Variants in CAMSAP1 observed in about 807,000 individuals in gnomAD.
CAMSAP1 encodes the protein calmodulin-regulated spectrin-associated protein 1.
A neutral mutation model predicts 143.5 loss-of-function variants in CAMSAP1; 58 were observed. The observed-to-expected ratio is 0.40, with a 90% confidence interval of 0.33 to 0.50. The LOEUF (loss-of-function observed/expected upper bound fraction) is 0.50. Among genes scored for constraint, CAMSAP1 ranks in the 20% least tolerant of loss-of-function variants. The pLI, the probability that CAMSAP1 is intolerant of heterozygous loss-of-function variation, is 0.45. For missense variants in CAMSAP1, 1,969 were observed against 2,115.7 expected (o/e 0.93, Z 1.36); for synonymous variants, 945 against 859.3 (o/e 1.10, Z -1.74).
intron 1 of CAMSAP1, among the ~76,000 whole-genome samples, chr9:135,903,652 T>C (rs1273760956): frequency 1.3e-5 from 2 of 152,226 alleles, no homozygotes; most frequent in Non-Finnish European, 2.9e-5. Flanking sequence ...TTTACACAAA[T>C]GGAGGATGGG....
intron 7 of CAMSAP1, among the ~76,000 whole-genome samples, chr9:135,849,101 T>G (rs920235060): frequency 6.6e-6 from 1 of 152,244 alleles, no homozygotes; most frequent in Non-Finnish European, 1.5e-5. Context: ...CATCGTAAAC[T>G]GAAAATATCA....
chr9:135,903,269 C>T (rs535841418), intron 1 of CAMSAP1, among the ~76,000 whole-genome samples: 115 of 152,356 alleles, frequency 7.5e-4, no homozygotes, highest in Non-Finnish European at 1.4e-3. Context: ...GATGACTAGT[C>T]AGGTTCTGCA....
rs776003147 is a variant in CAMSAP1 at position 135,811,124 on chromosome 9, G to A, written c.*185C>T. ...GCCTGGCATCCTCTGCGTGAGATGA[G>A]CGCTGAGAGAGGGGTTTTCTTCTGC... On this transcript the variant is annotated 3_prime_UTR_variant, in exon 17 of 17. Coordinates refer to ENST00000389532, the MANE Select transcript of CAMSAP1 (RefSeq NM_015447.4). This position sits in a 1 kb window ranked among gnomAD's most constrained non-coding sequence, Gnocchi z 4.9. 2 of 682,210 alleles carry A rather than the reference G, an allele frequency of 2.9e-6. No homozygotes were observed. Among genetic ancestry groups the A allele is most frequent in the Non-Finnish European group, 4.9e-6 (2 of 410,776 alleles). The allele number at this position is 682,210 out of a possible 1,614,324, so 42.3% of individuals were successfully genotyped here. A position where few individuals can be genotyped will look rare whatever the true frequency, so the allele number is the denominator to read the frequency against.
chr9:135,813,335 C>T (rs988285617), intron 16 of CAMSAP1, among the ~76,000 whole-genome samples: 2 of 152,182 alleles, frequency 1.3e-5, no homozygotes, highest in Non-Finnish European at 2.9e-5. Flanking sequence ...ATTTATTTGG[C>T]TTTAGAAAAG....
chr9:135,857,299 C>T (rs1453079360), intron 5 of CAMSAP1, among the ~76,000 whole-genome samples: 1 of 152,092 alleles, frequency 6.6e-6, no homozygotes, highest in African/African-American at 2.4e-5. Flanking sequence ...CCCTTATTTC[C>T]CATCTCTTTG....
chr9:135,895,811 G>C (rs1838428460), intron 1 of CAMSAP1, among the ~76,000 whole-genome samples: 1 of 152,190 alleles, frequency 6.6e-6, no homozygotes, highest in Non-Finnish European at 1.5e-5. Flanking sequence ...AGTAAAATAA[G>C]GATATCAGTA....
intron 5 of CAMSAP1, among the ~76,000 whole-genome samples, chr9:135,851,605 T>C (rs534022649): frequency 6.6e-6 from 1 of 152,384 alleles, no homozygotes; most frequent in East Asian, 1.9e-4. Flanking sequence ...CTGAGTATTC[T>C]ACACACTGTC....
At chr9:135,902,538 A>G (rs1412505206) in intron 1 of CAMSAP1, among the ~76,000 whole-genome samples, 1 of 152,218 alleles carries the variant, frequency 6.6e-6, no homozygotes, top group Non-Finnish European at 1.5e-5. Context: ...AAAAGTCACT[A>G]CAAGGAAACA....
In CAMSAP1 at chr9:135,853,002, C is replaced by T. The variant is rs538259260; in HGVS notation, c.809-2541G>A. 3.4e-3 allele frequency among the ~76,000 whole-genome samples: 511 copies of T among 152,278 alleles called. 1 individual carries two copies. The highest frequency in any genetic ancestry group is 5.1e-3 in the Non-Finnish European group (344 of 68,032). ...CAGCAGGTGAGAGTCTGATGAGAAA[C>T]GTATTCACAGTCCAAAGCCTCTCCC... On this transcript the variant is annotated intron_variant, in intron 5 of 16. Transcript: ENST00000389532.
intron 1 of CAMSAP1, among the ~76,000 whole-genome samples, chr9:135,906,226 G>A (rs1005997564): frequency 6.6e-6 from 1 of 152,196 alleles, no homozygotes; most frequent in Non-Finnish European, 1.5e-5. Flanking sequence ...TCTAAAAAGG[G>A]TAATTTTTCA....
intron 5 of CAMSAP1, among the ~76,000 whole-genome samples, chr9:135,851,639 G>T (rs1836787498): frequency 6.6e-6 from 1 of 152,150 alleles, no homozygotes; most frequent in Non-Finnish European, 1.5e-5. Context: ...AACACAAACA[G>T]TGTTGTCTCA....
intron 1 of CAMSAP1, among the ~76,000 whole-genome samples, chr9:135,893,294 G>C (rs1028774486): frequency 1.4e-5 from 2 of 144,394 alleles, no homozygotes; most frequent in African/African-American, 5.1e-5. Flanking sequence ...AAAAAAGGCA[G>C]GAAAGGCAGG....
intron 5 of CAMSAP1, among the ~76,000 whole-genome samples, chr9:135,856,540 C>T (rs572951365): frequency 3.9e-5 from 6 of 152,188 alleles, no homozygotes; most frequent in Non-Finnish European, 7.3e-5. Flanking sequence ...TAAGAGAACA[C>T]GCAGCCCCAT....
chr9:135,846,277 G>C (rs1043623617), intron 7 of CAMSAP1, among the ~76,000 whole-genome samples: 1 of 152,094 alleles, frequency 6.6e-6, no homozygotes, highest in South Asian at 2.1e-4. Flanking sequence ...ACAAGCAATG[G>C]GGAAAGGATT....
At position 135,850,453 on chromosome 9, in the gene CAMSAP1, A is replaced by G; in HGVS notation, c.817T>C (p.Leu273=). The change falls in exon 6 of 17, where the codon TTA becomes CTA. Residue 273 remains leucine, a synonymous_variant. Coordinates refer to ENST00000389532, the MANE Select transcript of CAMSAP1 (RefSeq NM_015447.4). ...PEQMKLDDIC[L]KEVTSMADSL... ...TCGGCCATCGACGTTACCTCCTTTA[A>G]GCATATATCTAATAGACAAAAAGAA... 1.3e-6 allele frequency: 2 copies of G among 1,578,270 alleles called. No homozygotes were observed. Among genetic ancestry groups the G allele is most frequent in the East Asian group, 2.2e-5 (1 of 44,700 alleles).
At position 135,850,122 on chromosome 9, in the gene CAMSAP1, A is replaced by G. The variant is rs1350607734; in HGVS notation, c.1045+15T>C. ...AAGGAAACCATTGCCAACCTGGGGAATATCTGTCACTCACCGTCTTTCAGC... is the reference window on the plus strand; with the variant it reads ...AAGGAAACCATTGCCAACCTGGGGAGTATCTGTCACTCACCGTCTTTCAGC... On this transcript the variant is annotated intron_variant, in intron 7 of 16. Transcript: ENST00000389532. 3 of 1,594,010 alleles carry G rather than the reference A, an allele frequency of 1.9e-6. No individual in the cohort carries two copies. The highest frequency in any genetic ancestry group is 1.1e-5 in the South Asian group (1 of 87,332).
chr9:135,828,796 G>C (rs981139242), intron 7 of CAMSAP1, among the ~76,000 whole-genome samples: 1 of 152,180 alleles, frequency 6.6e-6, no homozygotes, highest in Non-Finnish European at 1.5e-5. Context: ...AATTTTGAAA[G>C]CAGCAAGAGA....
chr9:135,902,175 C>T (rs1838637177), intron 1 of CAMSAP1, among the ~76,000 whole-genome samples: 1 of 152,218 alleles, frequency 6.6e-6, no homozygotes, highest in Admixed American at 6.5e-5. Context: ...CTAACAGGTG[C>T]TCAGGAAGCA....
At chr9:135,850,511 G>T in intron 5 of CAMSAP1, 50 bp from the exon 6 acceptor site, 2 of 1,330,654 alleles carry the variant, frequency 1.5e-6, no homozygotes, top group Non-Finnish European at 1.0e-6. Flanking sequence ...ATTCTGCTTC[G>T]AGAGAGAGAG....
Sources: gnomAD v4.1 joint callset for allele counts (sites outside exome capture counted in the v4.1 genomes callset) on GRCh38, gnomAD v4.1.1 for gene constraint, Gnocchi (gnomAD v3.1) non-coding constraint, MANE v1.5 for transcripts, NCBI Gene and HGNC (gene_info 2026-07-23, HGNC 2026-07-21) for gene names.